LPP: variants seen among roughly 807,000 people sequenced by gnomAD.
LPP encodes LIM domain containing preferred translocation partner in lipoma.
In LPP, 38 loss-of-function variants were observed where a neutral mutation model predicts 60.4. The observed-to-expected ratio is 0.63, with a 90% CI of 0.49 to 0.83. LPP has a LOEUF of 0.83. Ranked by LOEUF, LPP falls within the 40% of genes least tolerant of loss-of-function variation. The pLI, the probability that LPP is intolerant of heterozygous loss-of-function variation, is 0.00. For missense variants in LPP, 902 were observed against 783.6 expected, an observed-to-expected ratio of 1.15 and a Z score of -1.80; for synonymous variants, 328 against 290.8, an observed-to-expected ratio of 1.13 and a Z score of -1.30.
In LPP at chr3:188,712,317, T is replaced by G. The variant is rs1711879496; in HGVS notation, c.1240+3924T>G. 3 of 152,266 alleles carry G rather than the reference T, an allele frequency of 2.0e-5. No homozygotes were observed. In the South Asian group the frequency reaches 6.2e-4, roughly 31 times the overall value. 9.4% of individuals were successfully genotyped at this position (152,266 alleles called of 1,614,324 possible). A position where few individuals can be genotyped will look rare whatever the true frequency, so the allele number is the denominator to read the frequency against. On this transcript the variant is annotated intron_variant, in intron 8 of 11. Transcript: ENST00000617246. ...ACCTTCTCTGTGCCTGCTACTGTGC[T>G]GGGTGTTCAGGACACCCAAATGCAG...
intron 9 of LPP, among the ~76,000 whole-genome samples, chr3:188,832,512 C>T (rs1467842481): frequency 6.6e-6 from 1 of 152,184 alleles, no homozygotes; most frequent in African/African-American, 2.4e-5. Context: ...CAGAGTCATG[C>T]CTGGGCCCTC....
At chr3:188,299,638 G>T (rs1439466375) in intron 2 of LPP, among the ~76,000 whole-genome samples, 1 of 152,186 alleles carries the variant, frequency 6.6e-6, no homozygotes, top group Non-Finnish European at 1.5e-5. Context: ...TGAGGCATCT[G>T]GGGTGGGCTA....
rs1337936450 is a variant in LPP, at chr3:188,609,493, G to A, written c.762G>A (p.Gln254=). 1 of 1,614,074 alleles carries A rather than the reference G, an allele frequency of 6.2e-7. No homozygotes were observed. The highest frequency in any genetic ancestry group is 1.3e-5 in the African/African-American group (1 of 74,920). ...YGSGPQGYNT[Q]PVPVSGQCPP... is the part of the protein sequence containing the mutation. ...CAGGGCCCCAGGGCTATAACACTCA[G>A]CCAGTTCCTGTCTCTGGGCAGTGTC... The change falls in exon 7 of 12, where the codon CAG becomes CAA. Residue 254 remains glutamine (Q), a synonymous_variant. Transcript: ENST00000617246. The surrounding 1 kb of genome is among the most constrained non-coding windows in gnomAD (Gnocchi z 6.9).
intron 11 of LPP, among the ~76,000 whole-genome samples, chr3:188,873,591 T>G (rs1287413303): frequency 2.0e-5 from 3 of 152,070 alleles, no homozygotes; most frequent in Admixed American, 1.3e-4. Context: ...TTGCATTTTT[T>G]TTTTTGATCC....
chr3:188,456,963 C>T (rs573165975), intron 4 of LPP, among the ~76,000 whole-genome samples: 13 of 152,278 alleles, frequency 8.5e-5, no homozygotes, highest in Middle Eastern at 3.4e-3. Flanking sequence ...TTGATAGTGA[C>T]ATTAACTCTT....
chr3:188,154,389 G>C (rs1209393240), intron 1 of LPP, among the ~76,000 whole-genome samples, 137 bp downstream of exon 1: 1 of 152,104 alleles, frequency 6.6e-6, no homozygotes, highest in Non-Finnish European at 1.5e-5. Context: ...GGCCCGCTGT[G>C]CGGAAGTGCC....
At chr3:188,708,660 C>A (rs1865963533) in intron 8 of LPP, 1 of 549,722 alleles carries the variant, frequency 1.8e-6, no homozygotes. Context: ...TTATTTTTTA[C>A]CAGTCTAGGC....
At chr3:188,836,175 G>A (rs1758402665) in intron 9 of LPP, among the ~76,000 whole-genome samples, 1 of 152,178 alleles carries the variant, frequency 6.6e-6, no homozygotes, top group Non-Finnish European at 1.5e-5. Context: ...TGTATCGACT[G>A]CCAGCCCACT....
intron 7 of LPP, among the ~76,000 whole-genome samples, chr3:188,639,395 C>T (rs1005017697): frequency 2.6e-5 from 4 of 151,180 alleles, no homozygotes; most frequent in African/African-American, 9.7e-5. Flanking sequence ...AAATGTTAGA[C>T]CTAAAACCAT....
At chr3:188,868,237 G>A (rs1033248094) in intron 10 of LPP, among the ~76,000 whole-genome samples, 2 of 152,224 alleles carry the variant, frequency 1.3e-5, no homozygotes, top group East Asian at 1.9e-4. Flanking sequence ...ACTTATAATC[G>A]GAGCACACAT....
chr3:188,154,873 A>G (rs951928786), intron 1 of LPP, among the ~76,000 whole-genome samples: 1 of 152,122 alleles, frequency 6.6e-6, no homozygotes, highest in African/African-American at 2.4e-5. Context: ...AAAGGCGTGG[A>G]CAAAGTTAAA....
chr3:188,541,555 TA>T (rs573228116), intron 6 of LPP, among the ~76,000 whole-genome samples: 7,795 of 144,292 alleles, frequency 0.054, 265 homozygotes, highest in Middle Eastern at 0.11. Context: ...AGATGCCCTT[TA>T]AAAAAAAAAA....
chr3:188,366,247 G>A (rs879426961), intron 3 of LPP, among the ~76,000 whole-genome samples: 3 of 152,152 alleles, frequency 2.0e-5, no homozygotes, highest in South Asian at 2.1e-4. Context: ...AACATTCCAC[G>A]TGGTAATACA....
chr3:188,737,273 T>C (rs1300070675), intron 8 of LPP, among the ~76,000 whole-genome samples: 2 of 152,202 alleles, frequency 1.3e-5, no homozygotes, highest in Admixed American at 1.3e-4. Context: ...AAGAGATCCT[T>C]GGACTGAGAG....
At chr3:188,765,855 T>C (rs1733870375) in intron 9 of LPP, among the ~76,000 whole-genome samples, 1 of 132,350 alleles carries the variant, frequency 7.6e-6, no homozygotes, top group African/African-American at 2.8e-5. Context: ...AACTTAATGT[T>C]CAACTCTTTT....
intron 4 of LPP, among the ~76,000 whole-genome samples, chr3:188,456,225 C>T (rs1029772153): frequency 1.5e-4 from 23 of 152,132 alleles, no homozygotes; most frequent in African/African-American, 4.6e-4. Flanking sequence ...CCCTGTACTA[C>T]GTATAAAGAT....
chr3:188,263,366 C>T (rs1734357710), intron 2 of LPP, among the ~76,000 whole-genome samples: 1 of 152,228 alleles, frequency 6.6e-6, no homozygotes. Flanking sequence ...AATTATTCAT[C>T]TTCCCTAAAT....
chr3:188,488,946 T>A (rs1380680833), intron 5 of LPP, among the ~76,000 whole-genome samples: 1 of 152,202 alleles, frequency 6.6e-6, no homozygotes, highest in Non-Finnish European at 1.5e-5. Context: ...CAGTTAGTTT[T>A]ATTCTTATCT....
At chr3:188,788,068 G>T (rs754570596) in intron 9 of LPP, among the ~76,000 whole-genome samples, 10 of 152,204 alleles carry the variant, frequency 6.6e-5, no homozygotes, top group Non-Finnish European at 1.2e-4. Context: ...GAGCTGGCCT[G>T]TATCCTTCCT....
Sources: allele counts gnomAD v4.1 joint callset (sites outside exome capture counted in the v4.1 genomes callset), GRCh38; gene constraint gnomAD v4.1.1; non-coding constraint Gnocchi (gnomAD v3.1); transcripts MANE v1.5; gene names NCBI Gene and HGNC (gene_info 2026-07-23, HGNC 2026-07-21).